Variants in ACTN2 observed in about 807,000 individuals in gnomAD.
ACTN2 encodes actinin alpha 2, also known as alpha-actinin-2.
ACTN2 carries 39 observed loss-of-function variants against 113.8 expected under a neutral mutation model. The observed-to-expected ratio is 0.34, with a 90% CI of 0.27 to 0.45. The LOEUF is 0.45. Ranked by LOEUF, ACTN2 falls within the 20% of genes least tolerant of loss-of-function variation. The pLI is 1.00. For missense variants in ACTN2, 992 were observed against 1,177.9 expected, an observed-to-expected ratio of 0.84 and a Z score of 2.31; for synonymous variants, 429 against 444.1, an observed-to-expected ratio of 0.97 and a Z score of 0.43.
chr1:236,731,379 C>A, intron 7 of ACTN2, 65 bp downstream of exon 7: 1 of 1,360,136 alleles, frequency 7.4e-7, no homozygotes, highest in South Asian at 1.2e-5. Flanking sequence ...TATGGCTACA[C>A]ATTGGGACCT....
At chr1:236,715,089 C>T (rs897225537) in intron 1 of ACTN2, among the ~76,000 whole-genome samples, 1 of 151,888 alleles carries the variant, frequency 6.6e-6, no homozygotes, top group East Asian at 1.9e-4. Flanking sequence ...ATTGGGTAGC[C>T]AAGGAACAAA....
chr1:236,693,795 T>C (rs1657376902), intron 1 of ACTN2, among the ~76,000 whole-genome samples: 1 of 152,098 alleles, frequency 6.6e-6, no homozygotes, highest in South Asian at 2.1e-4. Context: ...AAAATGATCT[T>C]AATAAGACAC....
At chr1:236,745,600 G>A (rs181602004) in intron 12 of ACTN2, among the ~76,000 whole-genome samples, 3 of 152,306 alleles carry the variant, frequency 2.0e-5, no homozygotes, top group Admixed American at 2.0e-4. Context: ...GCCTAGGCTG[G>A]ATTTGGCACG....
chr1:236,693,361 G>A (rs1342602654), intron 1 of ACTN2, among the ~76,000 whole-genome samples: 4 of 152,168 alleles, frequency 2.6e-5, no homozygotes, highest in Non-Finnish European at 4.4e-5. Flanking sequence ...AGAGAGAGTT[G>A]ATGACACCAC....
chr1:236,716,446 G>C (rs1232432508), intron 1 of ACTN2, among the ~76,000 whole-genome samples: 2 of 152,060 alleles, frequency 1.3e-5, no homozygotes, highest in Non-Finnish European at 2.9e-5. Flanking sequence ...GGGCACAAGT[G>C]GAAGCCAAGT....
chr1:236,693,190 C>CAT (rs1238188072), intron 1 of ACTN2, among the ~76,000 whole-genome samples: 2 of 124,092 alleles, frequency 1.6e-5, no homozygotes, highest in African/African-American at 5.3e-5. Context: ...CACACACACA[C>CAT]ACACACACAC....
chr1:236,705,963 G>C (rs1657812354), intron 1 of ACTN2, among the ~76,000 whole-genome samples: 1 of 152,312 alleles, frequency 6.6e-6, no homozygotes, highest in East Asian at 1.9e-4. Context: ...TGCAGAATTT[G>C]ATTAAAACCA....
chr1:236,691,944 G>A (rs1269401902), intron 1 of ACTN2, among the ~76,000 whole-genome samples: 1 of 152,240 alleles, frequency 6.6e-6, no homozygotes, highest in African/African-American at 2.4e-5. Flanking sequence ...AAAGGGCCAG[G>A]TTATAGAGGG....
chr1:236,755,406 A>G (rs1305772576), intron 17 of ACTN2, among the ~76,000 whole-genome samples: 3 of 152,200 alleles, frequency 2.0e-5, no homozygotes, highest in Admixed American at 1.3e-4. Flanking sequence ...CAACAGTGAC[A>G]TTATCATTAT....
chr1:236,711,067 G>A (rs1244805656), intron 1 of ACTN2, among the ~76,000 whole-genome samples: 2 of 152,226 alleles, frequency 1.3e-5, no homozygotes, highest in Admixed American at 6.5e-5. Context: ...TCCAAGGCAC[G>A]GGAACGTGGT....
chr1:236,726,084 GTGTT>G, intron 5 of ACTN2, 64 bp downstream of exon 5: 1 of 1,406,352 alleles, frequency 7.1e-7, no homozygotes. Context: ...ATGGGGAACA[GTGTT>G]TGTGTGCACC....
chr1:236,758,044 A>G (rs1338748121), intron 18 of ACTN2, among the ~76,000 whole-genome samples: 1 of 152,210 alleles, frequency 6.6e-6, no homozygotes, highest in African/African-American at 2.4e-5. Context: ...CTTTCAACAT[A>G]TAAAACTCAG....
At chr1:236,707,869 G>A (rs567965136) in intron 1 of ACTN2, among the ~76,000 whole-genome samples, 3 of 151,502 alleles carry the variant, frequency 2.0e-5, no homozygotes, top group East Asian at 2.0e-4. Context: ...AAGGCACCAC[G>A]CCTGGCTAAT....
chr1:236,686,991 C>T (rs1665895672), intron 1 of ACTN2, among the ~76,000 whole-genome samples, 192 bp downstream of exon 1: 1 of 152,038 alleles, frequency 6.6e-6, no homozygotes, highest in Admixed American at 6.5e-5. Flanking sequence ...GGACACTGGG[C>T]GTCGTGTGTG....
chr1:236,745,291 G>A (rs999648091), intron 12 of ACTN2, among the ~76,000 whole-genome samples: 6 of 152,128 alleles, frequency 3.9e-5, no homozygotes, highest in East Asian at 1.9e-4. Context: ...AAAATTAGCC[G>A]GGCCTGGTGG....
chr1:236,720,862 C>G (rs1572115326), intron 4 of ACTN2, among the ~76,000 whole-genome samples: 1 of 152,162 alleles, frequency 6.6e-6, no homozygotes, highest in African/African-American at 2.4e-5. Flanking sequence ...AAGTGTATAA[C>G]TGCAGAATGT....
rs770807444 is a variant in ACTN2, at chr1:236,749,232, A to G, written c.1624A>G (p.Met542Val). ...MEGAMEDLQDMFIVHSIEEIQ... is the reference protein window; with the variant it reads ...MEGAMEDLQDVFIVHSIEEIQ... ...GGGCGCTATGGAGGATCTGCAAGATATGTTCATTGTCCACAGCATTGAGGA... is the reference window on the plus strand; with the variant it reads ...GGGCGCTATGGAGGATCTGCAAGATGTGTTCATTGTCCACAGCATTGAGGA... Residue 542 changes from methionine to valine, a missense_variant, in exon 14 of 21, where the codon ATG (methionine) becomes GTG (valine). Met to Val is a conservative substitution (Grantham distance 21). Around this residue, in one of 3 missense-constraint regions of ACTN2, gnomAD observed 736 missense variants for 815.4 expected, o/e 0.90. Coordinates refer to ENST00000366578, the MANE Select transcript of ACTN2 (RefSeq NM_001103.4). 5.0e-6 allele frequency: 8 copies of G among 1,614,060 alleles called. No homozygotes were observed. The East Asian group carries it at 1.1e-4, about 22-fold the overall frequency.
chr1:236,732,968 A>C (rs1658755161), intron 7 of ACTN2, among the ~76,000 whole-genome samples: 5 of 152,212 alleles, frequency 3.3e-5, no homozygotes. Context: ...CTCATTAATT[A>C]ATCATTTTAA....
At position 236,744,610 on chromosome 1, in the gene ACTN2, G is replaced by T; in HGVS notation, c.1256-16G>T. The T allele has an allele frequency of 6.2e-7, 1 of 1,613,902 alleles. No homozygotes were observed. Among genetic ancestry groups the T allele is most frequent in the Non-Finnish European group, 8.5e-7 (1 of 1,179,986 alleles). ...GCCCTCAGCATATTCATACTTTCTT[G>T]CTACCACCTTTGCAGGCAAAGAGCA... On this transcript the variant is annotated splice_polypyrimidine_tract_variant and intron_variant, in intron 11 of 20. Coordinates refer to ENST00000366578, the MANE Select transcript of ACTN2 (RefSeq NM_001103.4).
Sources: gnomAD v4.1 joint callset for allele counts (sites outside exome capture counted in the v4.1 genomes callset) on GRCh38, gnomAD v4.1.1 for gene constraint, gnomAD v4.1.1 regional missense constraint, MANE v1.5 for transcripts, NCBI Gene and HGNC (gene_info 2026-07-23, HGNC 2026-07-21) for gene names.